Variants in CCR6 observed in about 807,000 individuals in gnomAD.
CCR6 encodes the protein C-C chemokine receptor type 6.
In CCR6, 2 loss-of-function variants were observed where a neutral mutation model predicts 3.0. The observed-to-expected ratio is 0.66, with a 90% confidence interval of 0.27 to 2.07. The LOEUF is 2.07. Among genes scored for constraint, CCR6 ranks in the 30% most tolerant of loss-of-function variants. The pLI, the probability that CCR6 is intolerant of heterozygous loss-of-function variation, is 0.14. For synonymous variants in CCR6, 193 were observed against 184.3 expected (o/e 1.05, Z -0.38); for missense variants, 322 against 462.8 (o/e 0.70, Z 2.79).
At chr6:167,122,522 T>C (rs1051664718), upstream of CCR6, among the ~76,000 whole-genome samples, 4 of 152,186 alleles carry the variant, frequency 2.6e-5, no homozygotes, top group African/African-American at 7.2e-5. This position sits in a 1 kb window ranked among gnomAD's most constrained non-coding sequence, Gnocchi z 4.2. Context: ...CTTGTAATAA[T>C]AGCTGAGATG....
At chr6:167,127,571 A>C (rs1448617722) in intron 1 of CCR6, among the ~76,000 whole-genome samples, 2 of 152,270 alleles carry the variant, frequency 1.3e-5, no homozygotes, top group Admixed American at 1.3e-4. Context: ...CATTAGAATA[A>C]TACAGAGATT....
intron 1 of CCR6, among the ~76,000 whole-genome samples, chr6:167,130,056 T>C (rs1781729009): frequency 6.6e-6 from 1 of 151,754 alleles, no homozygotes; most frequent in South Asian, 2.1e-4. Flanking sequence ...AATATCTAAA[T>C]TCCAAAGACA....
chr6:167,130,959 C>A (rs1781746363), intron 1 of CCR6, among the ~76,000 whole-genome samples: 1 of 140,962 alleles, frequency 7.1e-6, no homozygotes, highest in Non-Finnish European at 1.6e-5. Flanking sequence ...CCCTCCGGGA[C>A]TCCTCCCTCT....
rs7762962 is a variant in CCR6, at chr6:167,124,416, T to C, written c.-98+1193T>C. On this transcript the variant is annotated intron_variant, in intron 1 of 2. Coordinates refer to ENST00000341935, the MANE Select transcript of CCR6 (RefSeq NM_031409.4). ...AGAGTTTCAGCTCCACTGATGCTTA[T>C]CTAAAAAGGTATAAAATATGGTGGG... Among the ~76,000 whole-genome samples the C allele has an allele frequency of 1.5e-3, 229 of 152,272 alleles. 2 individuals carry two copies. The highest frequency in any genetic ancestry group is 5.3e-3 in the African/African-American group (219 of 41,564).
At chr6:167,119,786 A>G (rs936878621), upstream of CCR6, among the ~76,000 whole-genome samples, 7 of 152,222 alleles carry the variant, frequency 4.6e-5, no homozygotes, top group Non-Finnish European at 8.8e-5. Context: ...AGAAAAAGAT[A>G]TAGATCCAAA....
chr6:167,117,542 G>C (rs536471369), intron 1 of CCR6, among the ~76,000 whole-genome samples: 3,675 of 146,052 alleles, frequency 0.025, 60 homozygotes, highest in Non-Finnish European at 0.037. Flanking sequence ...TCAGCCTCCC[G>C]AGTAGCTGGG....
At chr6:167,124,797 G>GCA (rs1270266815) in intron 1 of CCR6, among the ~76,000 whole-genome samples, 6 of 113,428 alleles carry the variant, frequency 5.3e-5, no homozygotes, top group South Asian at 2.8e-4. Flanking sequence ...CAGCATATGC[G>GCA]CGCACACACA....
chr6:167,123,477 TGG>T, intron 1 of CCR6, among the ~76,000 whole-genome samples: 1 of 152,328 alleles, frequency 6.6e-6, no homozygotes, highest in African/African-American at 2.4e-5. Flanking sequence ...GGTGATGGTC[TGG>T]GTACTTGCTC....
intron 1 of CCR6, among the ~76,000 whole-genome samples, chr6:167,113,452 A>C (rs6930998): frequency 0.45 from 68,369 of 152,024 alleles, 15,667 homozygotes; most frequent in Admixed American, 0.53. Flanking sequence ...AGAGAGGGCA[A>C]CTCAGTAGAC....
At chr6:167,130,859 G>C (rs1401159885) in intron 1 of CCR6, among the ~76,000 whole-genome samples, 1 of 144,732 alleles carries the variant, frequency 6.9e-6, no homozygotes, top group African/African-American at 2.8e-5. Flanking sequence ...GCTTCTCATA[G>C]CTCTGCCGGG....
chr6:167,133,932 G>GTATATATATATATATATA lies in CCR6; in HGVS notation c.-97-2085_-97-2068dup, dbSNP rs6149918. ...ATACTATTATATATGATATATGTGT[G>GTATATATATATATATATA]TATATATATATATATATATATATAT... is the stretch of plus-strand genomic sequence containing the variant. On this transcript the variant is annotated intron_variant, in intron 1 of 2. Coordinates refer to ENST00000341935, the MANE Select transcript of CCR6 (RefSeq NM_031409.4). Among the ~76,000 whole-genome samples, 121 of 110,336 alleles carry GTATATATATATATATATA rather than the reference G, an allele frequency of 1.1e-3. 5 individuals carry two copies. Among genetic ancestry groups the GTATATATATATATATATA allele is most frequent in the African/African-American group, 4.2e-3 (95 of 22,846 alleles). The allele number at this position is 110,336 out of a possible 152,430, so 72.4% of individuals were successfully genotyped here.
intron 1 of CCR6, among the ~76,000 whole-genome samples, chr6:167,117,403 C>CTTTTTT (rs1304218953): frequency 4.8e-5 from 5 of 105,018 alleles, no homozygotes; most frequent in Admixed American, 1.1e-4. Context: ...ACTCTATTTT[C>CTTTTTT]TTTTTTTTTT....
At chr6:167,116,621 C>CG (rs1393811222) in intron 1 of CCR6, 1 of 152,538 alleles carries the variant, frequency 6.6e-6, no homozygotes, top group Non-Finnish European at 1.5e-5. Context: ...TGACGGCAGC[C>CG]GCCCCCTCGG....
chr6:167,117,544 G>A (rs545380908), intron 1 of CCR6, among the ~76,000 whole-genome samples: 2 of 150,404 alleles, frequency 1.3e-5, no homozygotes, highest in African/African-American at 4.9e-5. Context: ...AGCCTCCCGA[G>A]TAGCTGGGAC....
At chr6:167,120,443 G>T (rs1562555995), upstream of CCR6, among the ~76,000 whole-genome samples, 3 of 152,270 alleles carry the variant, frequency 2.0e-5, no homozygotes, top group South Asian at 6.2e-4. Flanking sequence ...ACAAAGTGGT[G>T]TGCCATGGCC....
chr6:167,130,992 C>CCCCTCCCCCCGGGACT (rs1562559675), intron 1 of CCR6, among the ~76,000 whole-genome samples: 1 of 118,208 alleles, frequency 8.5e-6, no homozygotes, highest in East Asian at 2.4e-4. Context: ...CCTCTGGACC[C>CCCCTCCCCCCGGGACT]CCTCCCTTTG....
At chr6:167,121,798 G>A (rs1228456255), upstream of CCR6, among the ~76,000 whole-genome samples, 1 of 152,196 alleles carries the variant, frequency 6.6e-6, no homozygotes, top group Non-Finnish European at 1.5e-5. Context: ...TGTTTGGAAG[G>A]ATTGTTGTAA....
At chr6:167,120,519 G>T (rs1216887249), upstream of CCR6, among the ~76,000 whole-genome samples, 2 of 152,124 alleles carry the variant, frequency 1.3e-5, no homozygotes, top group Admixed American at 1.3e-4. Flanking sequence ...GCAATCACAA[G>T]GAGAAACGGT....
upstream of CCR6, among the ~76,000 whole-genome samples, chr6:167,119,729 A>C (rs1047827038): frequency 1.3e-5 from 2 of 152,246 alleles, no homozygotes; most frequent in African/African-American, 4.8e-5. Context: ...CTACTAGAGA[A>C]TTTGCTGATG....
Sources: allele counts gnomAD v4.1 joint callset (sites outside exome capture counted in the v4.1 genomes callset), GRCh38; gene constraint gnomAD v4.1.1; non-coding constraint Gnocchi (gnomAD v3.1); transcripts MANE v1.5; gene names NCBI Gene and HGNC (gene_info 2026-07-23, HGNC 2026-07-21).